The following FAM149A variants were observed in gnomAD, a reference collection of about 807,000 sequenced individuals.
FAM149A encodes the protein protein FAM149A.
A neutral mutation model predicts 78.2 loss-of-function variants in FAM149A; 71 were observed. The observed-to-expected ratio is 0.91, with a 90% CI of 0.75 to 1.11. The LOEUF is 1.11. Ranked by LOEUF, FAM149A falls within the 50% of genes least tolerant of loss-of-function variation. The probability of loss-of-function intolerance (pLI) is 0.00; values close to 1 mark genes in which losing one functional copy is unlikely to be tolerated. For missense variants in FAM149A, 1,036 were observed against 971.0 expected (o/e 1.07, Z -0.89); for synonymous variants, 446 against 410.5 (o/e 1.09, Z -1.04).
intron 7 of FAM149A, among the ~76,000 whole-genome samples, chr4:186,157,062 A>T (rs549920209): frequency 1.1e-4 from 16 of 152,250 alleles, no homozygotes; most frequent in African/African-American, 3.9e-4. Flanking sequence ...TTACCTAACT[A>T]CTCTCTAATA....
intron 1 of FAM149A, among the ~76,000 whole-genome samples, chr4:186,127,987 CTTTTTT>C (rs61637634): frequency 1.6e-5 from 1 of 62,390 alleles, no homozygotes; most frequent in Non-Finnish European, 2.7e-5. Context: ...CATGCCCGGC[CTTTTTT>C]TTTTTTTTTT....
chr4:186,139,901 A>G lies in FAM149A; in HGVS notation c.567-9272A>G, dbSNP rs528698847. On this transcript the variant is annotated intron_variant, in intron 1 of 13. Coordinates refer to ENST00000389354, the MANE Select transcript of FAM149A (RefSeq NM_001367768.3). ...AAAGCCAGGACTGCTCGTACTGGAT[A>G]AATGTAAAAAACTGTATGTAACTTT... is the stretch of plus-strand genomic sequence containing the variant. Among the ~76,000 whole-genome samples the G allele has an allele frequency of 2.0e-5, 3 of 152,392 alleles. No homozygotes were observed. The South Asian group carries it at 6.2e-4, about 32-fold the overall frequency.
At chr4:186,134,232 G>A (rs1300180864) in intron 1 of FAM149A, among the ~76,000 whole-genome samples, 2 of 152,228 alleles carry the variant, frequency 1.3e-5, no homozygotes, top group South Asian at 4.2e-4. Context: ...AGACAGCATC[G>A]TGCGATGCTG....
chr4:186,149,776 AATT>A, intron 3 of FAM149A, 72 bp downstream of exon 3: 1 of 1,080,836 alleles, frequency 9.3e-7, no homozygotes. Flanking sequence ...TTATATTCAA[AATT>A]ATTTTTACCA....
chr4:186,127,020 G>A (rs770025255), intron 1 of FAM149A: 24 of 985,256 alleles, frequency 2.4e-5, no homozygotes, highest in African/African-American at 5.2e-5. Context: ...GAGCTGTCGC[G>A]TATGCCAATT....
At chr4:186,165,528 A>G in intron 11 of FAM149A, 64 bp downstream of exon 11, 1 of 1,564,468 alleles carries the variant, frequency 6.4e-7, no homozygotes, top group Non-Finnish European at 8.8e-7. Flanking sequence ...ACAAACAAAA[A>G]CAACCTTGGC....
At chr4:186,127,059 C>T in intron 1 of FAM149A, 1 of 985,372 alleles carries the variant, frequency 1.0e-6, no homozygotes, top group Non-Finnish European at 1.2e-6. Flanking sequence ...ACAGTTACTT[C>T]ACAGGCAGAA....
intron 1 of FAM149A, among the ~76,000 whole-genome samples, chr4:186,106,670 G>A (rs2099308875): frequency 6.6e-6 from 1 of 152,144 alleles, no homozygotes; most frequent in Admixed American, 6.5e-5. Flanking sequence ...ACAAGCGGCC[G>A]GGCACGGTGG....
chr4:186,107,580 T>C (rs1177637919), intron 1 of FAM149A: 1 of 152,210 alleles, frequency 6.6e-6, no homozygotes, highest in Non-Finnish European at 1.5e-5. Flanking sequence ...TGAGCTACTA[T>C]GCCTGGCCAA....
At chr4:186,117,723 A>G (rs1187154127) in intron 1 of FAM149A, 2 of 938,202 alleles carry the variant, frequency 2.1e-6, no homozygotes, top group Non-Finnish European at 1.3e-6. Flanking sequence ...GCCAGGATTT[A>G]GGTAGAGAAG....
intron 1 of FAM149A, chr4:186,109,715 T>C (rs2099310406): frequency 2.0e-6 from 2 of 981,236 alleles, no homozygotes; most frequent in Non-Finnish European, 1.2e-6. Context: ...GAAATGAAAA[T>C]TGAGAGCCAT....
At chr4:186,139,978 A>G (rs1245715441) in intron 1 of FAM149A, among the ~76,000 whole-genome samples, 1 of 151,870 alleles carries the variant, frequency 6.6e-6, no homozygotes, top group Non-Finnish European at 1.5e-5. Context: ...ACTCCACCTA[A>G]CAAAAAAAAC....
intron 1 of FAM149A, among the ~76,000 whole-genome samples, chr4:186,126,586 T>C (rs1715063): frequency 0.99 from 151,147 of 152,238 alleles, 75,043 homozygotes; most frequent in East Asian, 1. Flanking sequence ...CATTGAAGGG[T>C]CTGGTGTTTG....
intron 13 of FAM149A, chr4:186,170,736 T>C (rs1735457886): frequency 6.6e-6 from 1 of 152,414 alleles, no homozygotes; most frequent in Non-Finnish European, 1.5e-5. Flanking sequence ...AAGTGGAACC[T>C]TCCCCACTGA....
At chr4:186,160,471 A>G (rs556161110) in intron 8 of FAM149A, among the ~76,000 whole-genome samples, 12 of 144,392 alleles carry the variant, frequency 8.3e-5, no homozygotes, top group African/African-American at 2.3e-4. Flanking sequence ...CACACCATAC[A>G]CCACACACAC....
chr4:186,116,168 C>CA (rs2099313527), intron 1 of FAM149A, among the ~76,000 whole-genome samples: 1 of 110,812 alleles, frequency 9.0e-6, no homozygotes, highest in African/African-American at 3.5e-5. Context: ...CAGGTGCGTC[C>CA]GTCACCCCTT....
intron 5 of FAM149A, 104 bp downstream of exon 5, chr4:186,153,874 A>C: frequency 7.5e-7 from 1 of 1,334,082 alleles, no homozygotes; most frequent in Non-Finnish European, 1.0e-6. Context: ...CCATTTTGGA[A>C]ATTTAGATTC....
chr4:186,163,741 A>G (rs999030961), intron 10 of FAM149A, 108 bp downstream of exon 10: 14 of 795,370 alleles, frequency 1.8e-5, no homozygotes, highest in African/African-American at 1.4e-4. Flanking sequence ...CTAGTTTTAC[A>G]TAGATGCTTT....
intron 8 of FAM149A, chr4:186,160,682 C>A (rs1281376129): frequency 1.3e-5 from 7 of 519,458 alleles, no homozygotes; most frequent in Non-Finnish European, 1.7e-5. Context: ...ACACACACAC[C>A]TTCACACATA....
Sources: gnomAD v4.1 joint callset for allele counts (sites outside exome capture counted in the v4.1 genomes callset) on GRCh38, gnomAD v4.1.1 for gene constraint, MANE v1.5 for transcripts, NCBI Gene and HGNC (gene_info 2026-07-23, HGNC 2026-07-21) for gene names.